Variants in GRIA4 observed in about 807,000 individuals in gnomAD.
GRIA4 encodes glutamate ionotropic receptor AMPA type subunit 4.
Under a neutral mutation model 104.0 loss-of-function variants are expected in GRIA4, and 34 were observed. The ratio of observed to expected loss-of-function variants is 0.33; its 90% confidence interval spans 0.25 to 0.44. The LOEUF (loss-of-function observed/expected upper bound fraction) is 0.44, where lower values mean the gene tolerates loss of function less well. Among genes scored for constraint, GRIA4 ranks in the 20% least tolerant of loss-of-function variants. GRIA4 has a pLI of 1.00. For synonymous variants in GRIA4, 386 were observed against 381.9 expected, an observed-to-expected ratio of 1.01 and a Z score of -0.13; for missense variants, 750 against 1,096.5, an observed-to-expected ratio of 0.68 and a Z score of 4.46.
chr11:105,714,441 T>A (rs944724537), intron 3 of GRIA4, among the ~76,000 whole-genome samples: 2 of 152,064 alleles, frequency 1.3e-5, no homozygotes, highest in African/African-American at 4.8e-5. Flanking sequence ...AGTGAATAAG[T>A]CTCCATCATA....
intron 12 of GRIA4, among the ~76,000 whole-genome samples, chr11:105,925,395 A>G (rs1947677972): frequency 6.6e-6 from 1 of 152,166 alleles, no homozygotes; most frequent in Admixed American, 6.6e-5. Context: ...ATATCATTTA[A>G]CCATTATATT....
intron 4 of GRIA4, among the ~76,000 whole-genome samples, chr11:105,816,931 G>A (rs1310067408): frequency 1.3e-5 from 2 of 152,104 alleles, no homozygotes; most frequent in African/African-American, 4.8e-5. Context: ...GAGAAGGGAG[G>A]ACTGTTTGAG....
chr11:105,871,818 G>A (rs1210505476), intron 5 of GRIA4, among the ~76,000 whole-genome samples: 2 of 152,016 alleles, frequency 1.3e-5, no homozygotes, highest in Admixed American at 6.6e-5. Flanking sequence ...GGTATTAGCT[G>A]AAGTTATTTA....
chr11:105,788,123 T>C lies in GRIA4; in HGVS notation c.487+34903T>C, dbSNP rs1339127807. On this transcript the variant is annotated intron_variant, in intron 4 of 16. Coordinates refer to ENST00000282499, the MANE Select transcript of GRIA4 (RefSeq NM_000829.4). ...TGACCACATCTCCCAAAATGCTGTATTTGCAATATGCTGTATTACAAAAAG... is the reference window on the plus strand; with the variant it reads ...TGACCACATCTCCCAAAATGCTGTACTTGCAATATGCTGTATTACAAAAAG... Among the ~76,000 whole-genome samples, 3 of 152,316 alleles carry C rather than the reference T, an allele frequency of 2.0e-5. No homozygotes were observed. The East Asian group carries it at 5.8e-4, about 29-fold the overall frequency.
chr11:105,970,191 A>G (rs1293967506), intron 14 of GRIA4, among the ~76,000 whole-genome samples: 1 of 152,204 alleles, frequency 6.6e-6, no homozygotes, highest in Non-Finnish European at 1.5e-5. Context: ...TGGCAAATAT[A>G]TATTACTTCT....
rs573039290 is a variant in GRIA4 at position 105,972,079 on chromosome 11, G to A, written c.2409+51G>A. On this transcript the variant is annotated intron_variant, in intron 15 of 16. Coordinates refer to ENST00000282499, the MANE Select transcript of GRIA4 (RefSeq NM_000829.4). ...CTCTTGTGTTCACAAAGCAGTAAAC[G>A]GGAGCAATTGTCAAAAGTATATGGA... is the stretch of plus-strand genomic sequence containing the variant. 7.3e-5 allele frequency: 78 copies of A among 1,074,906 alleles called. 2 individuals carry two copies. In the South Asian group the frequency reaches 8.3e-4, roughly 11 times the overall value. The allele number at this position is 1,074,906 out of a possible 1,614,324, so 66.6% of individuals were successfully genotyped here. A position where few individuals can be genotyped will look rare whatever the true frequency, so the allele number is the denominator to read the frequency against.
intron 14 of GRIA4, among the ~76,000 whole-genome samples, chr11:105,953,911 ACT>A (rs1188204393): frequency 6.6e-6 from 1 of 152,162 alleles, no homozygotes. Flanking sequence ...AGAGATATAA[ACT>A]CTTTCTTTTT....
intron 10 of GRIA4, among the ~76,000 whole-genome samples, chr11:105,911,532 G>C (rs1947234348): frequency 6.6e-6 from 1 of 151,216 alleles, no homozygotes; most frequent in Non-Finnish European, 1.5e-5. Context: ...TTTAGTTTCA[G>C]GTTTTTAGTA....
intron 4 of GRIA4, among the ~76,000 whole-genome samples, chr11:105,813,453 C>T (rs968394682): frequency 6.6e-6 from 1 of 152,114 alleles, no homozygotes; most frequent in Non-Finnish European, 1.5e-5. Context: ...GACAACCCTG[C>T]TTGTACTTTA....
chr11:105,804,493 A>T (rs1174264089), intron 4 of GRIA4, among the ~76,000 whole-genome samples: 1 of 151,958 alleles, frequency 6.6e-6, no homozygotes, highest in African/African-American at 2.4e-5. Flanking sequence ...TTGTATTGAA[A>T]AAGAGATAAA....
At chr11:105,795,122 G>C (rs562530056) in intron 4 of GRIA4, among the ~76,000 whole-genome samples, 1 of 152,230 alleles carries the variant, frequency 6.6e-6, no homozygotes, top group African/African-American at 2.4e-5. Flanking sequence ...CTGGTGCGCT[G>C]CATAACTGGT....
chr11:105,842,054 T>C (rs200752046), intron 4 of GRIA4, among the ~76,000 whole-genome samples: 3 of 152,114 alleles, frequency 2.0e-5, no homozygotes, highest in Admixed American at 1.3e-4. Context: ...GAAGTTACCA[T>C]CTGAGTGCAA....
intron 4 of GRIA4, among the ~76,000 whole-genome samples, chr11:105,786,761 G>A (rs990608859): frequency 3.3e-5 from 5 of 152,190 alleles, no homozygotes; most frequent in Non-Finnish European, 7.3e-5. Flanking sequence ...GAGAAGCTCC[G>A]TTAGAATCTT....
At chr11:105,738,902 T>C (rs951864892) in intron 3 of GRIA4, among the ~76,000 whole-genome samples, 1 of 111,426 alleles carries the variant, frequency 9.0e-6, no homozygotes, top group African/African-American at 3.5e-5. Context: ...TGTTTCTTCA[T>C]AATTGGAAGT....
chr11:105,643,367 T>C (rs576428492), intron 3 of GRIA4, among the ~76,000 whole-genome samples: 5 of 152,318 alleles, frequency 3.3e-5, no homozygotes, highest in African/African-American at 1.2e-4. Context: ...TAGGATTCCT[T>C]AACATTGTTT....
chr11:105,688,874 C>T (rs1433777080), intron 3 of GRIA4, among the ~76,000 whole-genome samples: 2 of 151,766 alleles, frequency 1.3e-5, no homozygotes, highest in Non-Finnish European at 2.9e-5. Flanking sequence ...AAAGTCTTAC[C>T]GCTGTTTATA....
chr11:105,702,212 A>G (rs964203379), intron 3 of GRIA4, among the ~76,000 whole-genome samples: 2 of 152,164 alleles, frequency 1.3e-5, no homozygotes, highest in Non-Finnish European at 2.9e-5. Context: ...GCATTTGTGT[A>G]TTAATATTTT....
intron 4 of GRIA4, among the ~76,000 whole-genome samples, chr11:105,780,024 T>G (rs1941656161): frequency 6.6e-6 from 1 of 152,138 alleles, no homozygotes; most frequent in Non-Finnish European, 1.5e-5. Context: ...GAACATTAAA[T>G]AGTTCTCAAA....
intron 4 of GRIA4, among the ~76,000 whole-genome samples, chr11:105,844,899 A>G (rs1944528444): frequency 6.6e-6 from 1 of 152,214 alleles, no homozygotes; most frequent in Admixed American, 6.5e-5. Context: ...AAGACAGTAA[A>G]CAGGAGCAGT....
Sources: allele counts gnomAD v4.1 joint callset (sites outside exome capture counted in the v4.1 genomes callset), GRCh38; gene constraint gnomAD v4.1.1; transcripts MANE v1.5; gene names NCBI Gene and HGNC (gene_info 2026-07-23, HGNC 2026-07-21).